The following MS4A4E variants were observed in gnomAD, a reference collection of about 807,000 sequenced individuals.
MS4A4E encodes the protein putative membrane-spanning 4-domains subfamily A member 4E.
A neutral mutation model predicts 13.3 loss-of-function variants in MS4A4E; 23 were observed. That is an observed-to-expected ratio of 1.73 (90% CI 1.25 to 2.45). The LOEUF is 2.45. MS4A4E is among the 30% of genes most tolerant of loss of function. MS4A4E has a pLI of 0.00. For synonymous variants in MS4A4E, 36 were observed against 45.6 expected (o/e 0.79, Z 0.85); for missense variants, 144 against 131.2 (o/e 1.10, Z -0.48).
At chr11:60,242,884 C>G (rs1284358845) in intron 1 of MS4A4E, 74 bp downstream of exon 1, 1 of 1,187,374 alleles carries the variant, frequency 8.4e-7, no homozygotes, top group Non-Finnish European at 1.2e-6. Flanking sequence ...CACTCCACTC[C>G]CAGAAATCCT....
intron 3 of MS4A4E, among the ~76,000 whole-genome samples, chr11:60,222,662 A>G (rs1467096487): frequency 6.6e-6 from 1 of 152,110 alleles, no homozygotes. Context: ...TCCTGTTTCC[A>G]CAACACTATG....
intron 3 of MS4A4E, chr11:60,224,985 T>A: frequency 6.5e-7 from 1 of 1,530,720 alleles, no homozygotes; most frequent in Non-Finnish European, 8.8e-7. Context: ...CCCCAAATTG[T>A]GTACGCAACA....
At position 60,237,835 on chromosome 11, in the gene MS4A4E, T is replaced by C. The variant is rs188579203; in HGVS notation, c.-17+5123A>G. The stretch of plus-strand genomic sequence containing the variant: ...ATTCATTAATTCTAATAGCTTTTTA[T>C]TTGGTAGGGGAGTGATTCCATTCTA... On this transcript the variant is annotated intron_variant, in intron 1 of 8. Coordinates refer to ENST00000651255, the MANE Select transcript of MS4A4E (RefSeq NM_001393391.1). Among the ~76,000 whole-genome samples, 13 of 152,244 alleles carry C rather than the reference T, an allele frequency of 8.5e-5. 1 individual carries two copies. The highest frequency in any genetic ancestry group is 8.5e-4 in the Admixed American group (13 of 15,286).
At chr11:60,224,919 C>T (rs1223065037) in intron 3 of MS4A4E, 4 of 1,398,532 alleles carry the variant, frequency 2.9e-6, no homozygotes, top group South Asian at 3.3e-5. Flanking sequence ...GGTATTTACA[C>T]CTCTATTATG....
chr11:60,239,699 A>T (rs2084525625), intron 1 of MS4A4E, among the ~76,000 whole-genome samples: 1 of 152,174 alleles, frequency 6.6e-6, no homozygotes, highest in Non-Finnish European at 1.5e-5. Context: ...TCCTCTTGTA[A>T]TCTCTGTTCT....
intron 1 of MS4A4E, among the ~76,000 whole-genome samples, chr11:60,241,160 G>A (rs1298745371): frequency 1.3e-5 from 2 of 152,022 alleles, no homozygotes; most frequent in South Asian, 2.1e-4. Flanking sequence ...AGTAGCTGGG[G>A]CTACCGGCGC....
intron 1 of MS4A4E, among the ~76,000 whole-genome samples, chr11:60,237,896 A>G (rs2084504052): frequency 6.6e-6 from 1 of 151,984 alleles, no homozygotes; most frequent in South Asian, 2.1e-4. Flanking sequence ...CATAAAAAGT[A>G]TTGGATTTTG....
chr11:60,220,679 G>T (rs2084258898), intron 3 of MS4A4E, among the ~76,000 whole-genome samples: 1 of 152,156 alleles, frequency 6.6e-6, no homozygotes, highest in African/African-American at 2.4e-5. Flanking sequence ...AAAATTCAGG[G>T]ACCTTCTACC....
At chr11:60,211,309 A>C (rs1018108051) in intron 5 of MS4A4E, among the ~76,000 whole-genome samples, 1 of 152,242 alleles carries the variant, frequency 6.6e-6, no homozygotes, top group Non-Finnish European at 1.5e-5. Flanking sequence ...GCAAGAAATA[A>C]AATTACTTAC....
In MS4A4E at chr11:60,200,454, T is replaced by C. The variant is rs1490320213; in HGVS notation, c.*1089A>G. The stretch of plus-strand genomic sequence containing the variant: ...ACCCTGCGGCCTTCCGAGGTGTTTG[T>C]GTCCCTGGGTACTTGAGATTAGGGA... On this transcript the variant is annotated 3_prime_UTR_variant, in exon 9 of 9. Transcript: ENST00000651255. 1.3e-5 allele frequency among the ~76,000 whole-genome samples: 2 copies of C among 152,160 alleles called. No homozygotes were observed. The highest frequency in any genetic ancestry group is 4.8e-5 in the African/African-American group (2 of 41,440).
At chr11:60,224,879 A>G (rs1479268896) in intron 3 of MS4A4E, 2 of 1,165,884 alleles carry the variant, frequency 1.7e-6, no homozygotes, top group African/African-American at 3.1e-5. Flanking sequence ...GAATTACAAG[A>G]TAGAATTAGA....
chr11:60,232,284 A>AACACACACACACACACACACAC (rs3221531), intron 1 of MS4A4E, among the ~76,000 whole-genome samples: 2,194 of 130,090 alleles, frequency 0.017, 46 homozygotes, highest in Middle Eastern at 0.025. Context: ...CATCGCCATC[A>AACACACACACACACACACACAC]ACACACACAC....
At chr11:60,209,745 G>A (rs80055589) in intron 5 of MS4A4E, among the ~76,000 whole-genome samples, 12 of 152,258 alleles carry the variant, frequency 7.9e-5, no homozygotes, top group East Asian at 7.7e-4. Context: ...ATTTTACCCC[G>A]GACTGATGCA....
chr11:60,206,910 G>A (rs1380391836), intron 6 of MS4A4E, among the ~76,000 whole-genome samples: 3 of 152,060 alleles, frequency 2.0e-5, no homozygotes, highest in Non-Finnish European at 4.4e-5. Flanking sequence ...CTAGATTTAG[G>A]ACACAACATT....
At chr11:60,218,110 G>C (rs765537932) in intron 3 of MS4A4E, among the ~76,000 whole-genome samples, 1 of 152,128 alleles carries the variant, frequency 6.6e-6, no homozygotes, top group Non-Finnish European at 1.5e-5. Flanking sequence ...CAGATGTGCC[G>C]GTCTCTTATG....
At chr11:60,214,866 CTGTT>C (rs1337522383) in intron 3 of MS4A4E, among the ~76,000 whole-genome samples, 2 of 152,060 alleles carry the variant, frequency 1.3e-5, no homozygotes, top group Middle Eastern at 3.2e-3. Context: ...GATATTAAAA[CTGTT>C]TGAGGACACT....
chr11:60,208,569 C>T, intron 6 of MS4A4E, 24 bp downstream of exon 6: 2 of 890,224 alleles, frequency 2.2e-6, no homozygotes, highest in African/African-American at 1.6e-5. Context: ...ATACAGATAC[C>T]TTCAAATGAA....
intron 1 of MS4A4E, among the ~76,000 whole-genome samples, chr11:60,240,992 G>A (rs1438511265): frequency 2.0e-5 from 3 of 148,576 alleles, no homozygotes; most frequent in East Asian, 2.0e-4. Flanking sequence ...ATCTAAATGT[G>A]TACTTTTTAT....
chr11:60,242,176 C>T (rs570634126), intron 1 of MS4A4E, among the ~76,000 whole-genome samples: 102 of 152,242 alleles, frequency 6.7e-4, no homozygotes, highest in African/African-American at 2.4e-3. Context: ...GGGGAAAGGC[C>T]TGGGCTAGGA....
Sources: gnomAD v4.1 joint callset for allele counts (sites outside exome capture counted in the v4.1 genomes callset) on GRCh38, gnomAD v4.1.1 for gene constraint, MANE v1.5 for transcripts, NCBI Gene and HGNC (gene_info 2026-07-23, HGNC 2026-07-21) for gene names.